Variants in CBX1 observed in about 807,000 individuals in gnomAD.
The protein encoded by CBX1 is chromobox protein homolog 1.
CBX1 carries 10 observed loss-of-function variants against 25.1 expected under a neutral mutation model. The observed-to-expected ratio is 0.40, with a 90% CI of 0.25 to 0.68. The LOEUF is 0.68. Ranked by LOEUF, CBX1 falls within the 30% of genes least tolerant of loss-of-function variation. The pLI is 0.40. For synonymous variants in CBX1, 63 were observed against 79.4 expected, an observed-to-expected ratio of 0.79 and a Z score of 1.10; for missense variants, 106 against 218.5, an observed-to-expected ratio of 0.49 and a Z score of 3.25.
At chr17:48,071,947 T>A (rs1042136039) in intron 4 of CBX1, among the ~76,000 whole-genome samples, 1 of 151,794 alleles carries the variant, frequency 6.6e-6, no homozygotes, top group African/African-American at 2.4e-5. Flanking sequence ...CCAAAAGCCA[T>A]ATCCCAGCTG....
intron 1 of CBX1, among the ~76,000 whole-genome samples, chr17:48,085,561 T>TAA (rs57913052): frequency 9.9e-4 from 148 of 149,306 alleles, no homozygotes; most frequent in East Asian, 5.3e-3. Flanking sequence ...ATGGCTCTGT[T>TAA]AAAAAAAAAA....
At chr17:48,096,021 C>T (rs572041408) in intron 1 of CBX1, among the ~76,000 whole-genome samples, 2 of 152,308 alleles carry the variant, frequency 1.3e-5, no homozygotes, top group African/African-American at 4.8e-5. Flanking sequence ...ACTGGGATTA[C>T]AGGCATGCAC....
Position 48,071,248 on chromosome 17 carries a change from G to T in CBX1, c.*187C>A. ...TATCCCCTTTCCCCTCCACTGGGATGGGTGTGCAAACTATACAGCTTGAAA... is the reference window on the plus strand; with the variant it reads ...TATCCCCTTTCCCCTCCACTGGGATTGGTGTGCAAACTATACAGCTTGAAA... On this transcript the variant is annotated 3_prime_UTR_variant, in exon 5 of 5. Transcript: ENST00000225603. 1 of 469,598 alleles carries T rather than the reference G, an allele frequency of 2.1e-6. No homozygotes were observed. The highest frequency in any genetic ancestry group is 3.7e-6 in the Non-Finnish European group (1 of 271,706). The allele number at this position is 469,598 out of a possible 1,614,324, so 29.1% of individuals were successfully genotyped here.
chr17:48,085,329 C>T (rs935679733), intron 1 of CBX1, among the ~76,000 whole-genome samples: 2 of 152,112 alleles, frequency 1.3e-5, no homozygotes, highest in South Asian at 2.1e-4. Context: ...CACAATTAAA[C>T]GAAGCACTGC....
At chr17:48,097,379 C>G (rs2063381490) in intron 1 of CBX1, among the ~76,000 whole-genome samples, 1 of 152,078 alleles carries the variant, frequency 6.6e-6, no homozygotes, top group Non-Finnish European at 1.5e-5. Flanking sequence ...CTTTGGGTGG[C>G]CGAGGAGGGT....
chr17:48,101,163 G>C, intron 1 of CBX1, 105 bp downstream of exon 1: 1 of 986,670 alleles, frequency 1.0e-6, no homozygotes, highest in Middle Eastern at 5.2e-4. Flanking sequence ...CGCGCTCCCC[G>C]CTCCTAACCT....
intron 1 of CBX1, among the ~76,000 whole-genome samples, chr17:48,093,286 TAAAA>T (rs777087501): frequency 1.3e-5 from 1 of 76,254 alleles, no homozygotes; most frequent in Non-Finnish European, 2.9e-5. Flanking sequence ...AAAATAAAAT[TAAAA>T]AAAAAAAAAA....
At chr17:48,081,546 C>G (rs58624511) in intron 1 of CBX1, among the ~76,000 whole-genome samples, 41,461 of 152,132 alleles carry the variant, frequency 0.27, 6,386 homozygotes, top group African/African-American at 0.43. Context: ...TCAAGCGATT[C>G]TCCTGTCTCA....
At chr17:48,075,170 T>C (rs1234032721) in intron 3 of CBX1, 70 bp from the exon 4 acceptor site, 1 of 979,824 alleles carries the variant, frequency 1.0e-6, no homozygotes. Flanking sequence ...ACCATTCCTG[T>C]GTCTCTGATT....
At chr17:48,092,667 T>C (rs2063350459) in intron 1 of CBX1, among the ~76,000 whole-genome samples, 1 of 151,896 alleles carries the variant, frequency 6.6e-6, no homozygotes, top group South Asian at 2.1e-4. Flanking sequence ...TTTGCTAGGC[T>C]GGTCTCGAAC....
intron 3 of CBX1, among the ~76,000 whole-genome samples, chr17:48,075,578 C>A (rs2037667654): frequency 6.6e-6 from 1 of 152,180 alleles, no homozygotes; most frequent in Non-Finnish European, 1.5e-5. Flanking sequence ...GATTATTCAT[C>A]AATGTCTGAA....
chr17:48,071,580 C>T lies in CBX1; in HGVS notation c.414-1G>A. The T allele has an allele frequency of 6.3e-7, 1 of 1,599,924 alleles. No individual in the cohort carries two copies. The highest frequency in any genetic ancestry group is 1.1e-5 in the South Asian group (1 of 89,200). On this transcript the variant is annotated splice_acceptor_variant, in intron 4 of 4. Coordinates refer to ENST00000225603, the MANE Select transcript of CBX1 (RefSeq NM_001127228.2). LOFTEE classifies it high-confidence loss of function. ...CAGGTCAGCCTCATCAGAGTTTTTCCTGCAGAATAAAGCAAAGAGAGACTT... is the reference window on the plus strand; with the variant it reads ...CAGGTCAGCCTCATCAGAGTTTTTCTTGCAGAATAAAGCAAAGAGAGACTT...
intron 1 of CBX1, among the ~76,000 whole-genome samples, chr17:48,085,683 T>G (rs2063308222): frequency 1.3e-5 from 2 of 152,336 alleles, no homozygotes; most frequent in Non-Finnish European, 2.9e-5. Context: ...TTGAGTCTTT[T>G]AAATTGACAA....
chr17:48,101,440 A>C lies in CBX1; in HGVS notation c.-210T>G. Reference sequence around the variant, plus strand: ...CGGCCAACGGCCCTCCCCTCAGCCGAACAAAAGAGCCTCGCAGTCTGCGCT... The same window carrying C: ...CGGCCAACGGCCCTCCCCTCAGCCGCACAAAAGAGCCTCGCAGTCTGCGCT... On this transcript the variant is annotated 5_prime_UTR_variant, in exon 1 of 5. Transcript: ENST00000225603. The C allele has an allele frequency of 1.0e-6, 1 of 985,592 alleles. No homozygotes were observed. The highest frequency in any genetic ancestry group is 1.2e-6 in the Non-Finnish European group (1 of 830,090). 61.1% of individuals were successfully genotyped at this position (985,592 alleles called of 1,614,324 possible). A position where few individuals can be genotyped will look rare whatever the true frequency, so the allele number is the denominator to read the frequency against.
rs182441505 is a variant in CBX1, at chr17:48,077,401, G to A, written c.-37-360C>T. On this transcript the variant is annotated intron_variant, in intron 1 of 4. Coordinates refer to ENST00000225603, the MANE Select transcript of CBX1 (RefSeq NM_001127228.2). ...GCTTCCCAAGCAGCTGGGACTACAGGCGTGTGCCACCAAGCCCAGCTAATT... is the reference window on the plus strand; with the variant it reads ...GCTTCCCAAGCAGCTGGGACTACAGACGTGTGCCACCAAGCCCAGCTAATT... Among the ~76,000 whole-genome samples, 275 of 150,848 alleles carry A rather than the reference G, an allele frequency of 1.8e-3. 1 individual carries two copies. Among genetic ancestry groups the A allele is most frequent in the African/African-American group, 6.0e-3 (246 of 40,894 alleles).
chr17:48,085,574 A>G (rs537448717), intron 1 of CBX1, among the ~76,000 whole-genome samples: 62 of 149,618 alleles, frequency 4.1e-4, no homozygotes, highest in African/African-American at 1.4e-3. Flanking sequence ...AAAAAAAAAA[A>G]CAATGATTTT....
At chr17:48,080,951 AATATATATATATATAT>A (rs1323670486) in intron 1 of CBX1, among the ~76,000 whole-genome samples, 1,320 of 33,228 alleles carry the variant, frequency 0.04, 41 homozygotes, top group South Asian at 0.16. Context: ...AAAAAAAAAA[AATATATATATATATAT>A]ATATATATAT....
intron 1 of CBX1, among the ~76,000 whole-genome samples, chr17:48,084,405 G>T (rs1262412607): frequency 6.8e-6 from 1 of 146,922 alleles, no homozygotes; most frequent in Non-Finnish European, 1.5e-5. Flanking sequence ...GTAGAGACAG[G>T]TCGCCATGTT....
chr17:48,099,257 T>C (rs1725831503), intron 1 of CBX1, among the ~76,000 whole-genome samples: 1 of 152,070 alleles, frequency 6.6e-6, no homozygotes, highest in Non-Finnish European at 1.5e-5. Context: ...CATGCGCCAC[T>C]AGGCCCAGCT....
Sources: gnomAD v4.1 joint callset for allele counts (sites outside exome capture counted in the v4.1 genomes callset) on GRCh38, gnomAD v4.1.1 for gene constraint, MANE v1.5 for transcripts, NCBI Gene and HGNC (gene_info 2026-07-23, HGNC 2026-07-21) for gene names.